The following ADCY5 variants were observed in gnomAD, a reference collection of about 807,000 sequenced individuals.
ADCY5 encodes the protein adenylate cyclase 5, also known as adenylate cyclase type 5.
A neutral mutation model predicts 119.7 loss-of-function variants in ADCY5; 30 were observed. The observed-to-expected ratio is 0.25, with a 90% CI of 0.19 to 0.34. The LOEUF is 0.34. ADCY5 is among the 10% of genes least tolerant of loss of function. The pLI is 1.00. For synonymous variants in ADCY5, 753 were observed against 762.2 expected (o/e 0.99, Z 0.20); for missense variants, 1,324 against 1,775.2 (o/e 0.75, Z 4.57).
intron 12 of ADCY5, among the ~76,000 whole-genome samples, chr3:123,313,935 C>T (rs1403454954): frequency 2.0e-5 from 3 of 152,228 alleles, no homozygotes; most frequent in Non-Finnish European, 2.9e-5. Context: ...GCTCGGTGCC[C>T]TTCCTTCCTT....
chr3:123,337,421 G>A (rs1227742704), intron 3 of ADCY5, among the ~76,000 whole-genome samples: 2 of 152,202 alleles, frequency 1.3e-5, no homozygotes, highest in Non-Finnish European at 2.9e-5. Flanking sequence ...CACCAACCAA[G>A]TGGCTGAAAA....
chr3:123,327,470 G>T, intron 7 of ADCY5, 148 bp downstream of exon 7: 1 of 870,796 alleles, frequency 1.1e-6, no homozygotes, highest in Non-Finnish European at 1.7e-6. Context: ...AGGCCTAACT[G>T]CCGGGGTCCT....
intron 2 of ADCY5, among the ~76,000 whole-genome samples, chr3:123,348,778 G>T (rs1172945948): frequency 6.6e-6 from 1 of 152,158 alleles, no homozygotes; most frequent in African/African-American, 2.4e-5. Flanking sequence ...AAGATGCCCA[G>T]CTGCCTCCCT....
intron 1 of ADCY5, among the ~76,000 whole-genome samples, chr3:123,380,960 C>G (rs903574): frequency 0.47 from 71,935 of 151,866 alleles, 17,800 homozygotes; most frequent in East Asian, 0.68. Context: ...GGTCCCATTC[C>G]TAGCCCTTCC....
At position 123,319,684 on chromosome 3, in the gene ADCY5, A is replaced by G. The variant is rs764349483; in HGVS notation, c.2246T>C (p.Leu749Ser). ...CCCAGGGTGCTGTACCTTCTTCTCT[A>G]AGTCAGGCTCCCTGAAGGTCAGGAG... ...KFLLTFREPD[L>S]EKKYSKQVDD... Residue 749 changes from leucine to serine, a missense_variant, in exon 10 of 21, where the codon TTA becomes TCA. Around this residue, in one of 6 missense-constraint regions of ADCY5, gnomAD observed 424 missense variants for 546.8 expected, o/e 0.78. Coordinates refer to ENST00000462833, the MANE Select transcript of ADCY5 (RefSeq NM_183357.3). 5 of 1,614,152 alleles carry G rather than the reference A, an allele frequency of 3.1e-6. No homozygotes were observed. The highest frequency in any genetic ancestry group is 1.7e-6 in the Non-Finnish European group (2 of 1,179,998).
At chr3:123,396,141 G>T (rs1404845931) in intron 1 of ADCY5, among the ~76,000 whole-genome samples, 1 of 125,226 alleles carries the variant, frequency 8.0e-6, no homozygotes, top group Admixed American at 8.6e-5. Context: ...AGGGAAAAAA[G>T]AAGAGAAAAG....
intron 1 of ADCY5, among the ~76,000 whole-genome samples, chr3:123,428,188 CCTT>C (rs1316413196): frequency 6.6e-6 from 1 of 152,136 alleles, no homozygotes; most frequent in African/African-American, 2.4e-5. Context: ...GAGTACAGTC[CCTT>C]CTTATTTGAC....
chr3:123,398,433 C>A (rs1168846857), intron 1 of ADCY5, among the ~76,000 whole-genome samples: 4 of 152,128 alleles, frequency 2.6e-5, no homozygotes, highest in Admixed American at 2.6e-4. Flanking sequence ...TGCCGTTTTG[C>A]AAGGACAGAT....
At chr3:123,319,553 G>A (rs546347062) in intron 10 of ADCY5, 121 bp downstream of exon 10, 143 of 1,267,552 alleles carry the variant, frequency 1.1e-4, no homozygotes, top group Non-Finnish European at 1.5e-4. Context: ...TCAGAGCTGG[G>A]GAAACTGAGG....
rs550127334 is a variant in ADCY5, at chr3:123,441,767, G to C, written c.1134+5645C>G. 2.6e-5 allele frequency among the ~76,000 whole-genome samples: 4 copies of C among 152,230 alleles called. No homozygotes were observed. In the South Asian group the frequency reaches 6.2e-4, roughly 24 times the overall value. ...CTCTCCTTTGAAGTCTAGAATCAGA[G>C]GCCGTTGTATTTCAGACCAGGCCTC... On this transcript the variant is annotated intron_variant, in intron 1 of 20. Coordinates refer to ENST00000462833, the MANE Select transcript of ADCY5 (RefSeq NM_183357.3).
intron 5 of ADCY5, among the ~76,000 whole-genome samples, chr3:123,330,652 C>T (rs1941717184): frequency 6.6e-6 from 1 of 152,248 alleles, no homozygotes; most frequent in Non-Finnish European, 1.5e-5. Context: ...AGAGCCCTCC[C>T]CTCCCACACA....
intron 1 of ADCY5, among the ~76,000 whole-genome samples, chr3:123,366,306 G>A (rs574472763): frequency 9.1e-4 from 139 of 152,326 alleles, no homozygotes; most frequent in African/African-American, 3.2e-3. Context: ...CAGGTTACTT[G>A]CAGAATATCA....
intron 11 of ADCY5, among the ~76,000 whole-genome samples, chr3:123,316,591 C>G (rs1940921785): frequency 6.6e-6 from 1 of 152,188 alleles, no homozygotes; most frequent in South Asian, 2.1e-4. Context: ...ACATGAAAAA[C>G]AGAAGGTACT....
chr3:123,390,444 AGGAGCTCT>A, intron 1 of ADCY5, among the ~76,000 whole-genome samples: 1 of 152,354 alleles, frequency 6.6e-6, no homozygotes, highest in African/African-American at 2.4e-5. Flanking sequence ...CCTGTTTGGC[AGGAGCTCT>A]GCTGCCAGGT....
intron 8 of ADCY5, among the ~76,000 whole-genome samples, chr3:123,323,201 C>G: frequency 6.6e-6 from 1 of 152,214 alleles, no homozygotes; most frequent in East Asian, 1.9e-4. Flanking sequence ...CACTCCTTCC[C>G]CTCCCTGCTG....
chr3:123,332,749 C>T (rs1390812479), intron 3 of ADCY5, 74 bp from the exon 4 acceptor site: 23 of 981,158 alleles, frequency 2.3e-5, no homozygotes, highest in Non-Finnish European at 3.6e-5. Context: ...TACATTACAT[C>T]TTTTTTTTCT....
At chr3:123,423,319 C>A (rs867788622) in intron 1 of ADCY5, among the ~76,000 whole-genome samples, 2 of 152,218 alleles carry the variant, frequency 1.3e-5, no homozygotes, top group Non-Finnish European at 2.9e-5. Context: ...CCCACCCCTG[C>A]GGAGAAGGGG....
intron 7 of ADCY5, 88 bp from the exon 8 acceptor site, chr3:123,325,550 A>T: frequency 6.5e-7 from 1 of 1,543,896 alleles, no homozygotes; most frequent in Non-Finnish European, 8.9e-7. Context: ...CTGGCCAGGT[A>T]AGGGGCTAAG....
At chr3:123,336,290 A>G (rs1444489268) in intron 3 of ADCY5, among the ~76,000 whole-genome samples, 1 of 152,194 alleles carries the variant, frequency 6.6e-6, no homozygotes, top group Non-Finnish European at 1.5e-5. Flanking sequence ...ACAGTTTGTG[A>G]AAGCACCCAC....
Sources: gnomAD v4.1 joint callset for allele counts (sites outside exome capture counted in the v4.1 genomes callset) on GRCh38, gnomAD v4.1.1 for gene constraint, gnomAD v4.1.1 regional missense constraint, MANE v1.5 for transcripts, NCBI Gene and HGNC (gene_info 2026-07-23, HGNC 2026-07-21) for gene names.